MYT1L: variants seen among roughly 807,000 people sequenced by gnomAD.
The protein encoded by MYT1L is myelin transcription factor 1 like, also known as myelin transcription factor 1-like protein.
A neutral mutation model predicts 126.7 loss-of-function variants in MYT1L; 12 were observed. That is an observed-to-expected ratio of 0.09 (90% CI 0.06 to 0.15). MYT1L has a LOEUF of 0.15. Ranked by LOEUF, MYT1L falls within the 10% of genes least tolerant of loss-of-function variation. The pLI is 1.00. For synonymous variants in MYT1L, 541 were observed against 604.2 expected (o/e 0.90, Z 1.53); for missense variants, 979 against 1,585.2 (o/e 0.62, Z 6.49).
chr2:1,889,063 G>T lies in MYT1L; in HGVS notation c.2520+178C>A, dbSNP rs2048500901. ...AATACTTTGTTTCACTCTAATCAAT[G>T]TTAGTCGCAAATCTCTTCTGGGTCA... On this transcript the variant is annotated intron_variant, in intron 16 of 24. Coordinates refer to ENST00000647738, the MANE Select transcript of MYT1L (RefSeq NM_001303052.2). This position sits in a 1 kb window ranked among gnomAD's most constrained non-coding sequence, Gnocchi z 4.1. 6.6e-6 allele frequency among the ~76,000 whole-genome samples: 1 copy of T among 152,158 alleles called. No homozygotes were observed. Among genetic ancestry groups the T allele is most frequent in the Non-Finnish European group, 1.5e-5 (1 of 68,018 alleles).
At chr2:1,803,681 G>A (rs1160677009) in intron 22 of MYT1L, among the ~76,000 whole-genome samples, 1 of 152,190 alleles carries the variant, frequency 6.6e-6, no homozygotes, top group African/African-American at 2.4e-5. Flanking sequence ...AGGCCCAAGT[G>A]GTCACCAACA....
Position 1,917,172 on chromosome 2 carries a change from AC to A in MYT1L, c.1618+32del, listed in dbSNP as rs763834041. On this transcript the variant is annotated intron_variant, in intron 11 of 24. Transcript: ENST00000647738. The surrounding 1 kb of genome is among the most constrained non-coding windows in gnomAD (Gnocchi z 5.9). The stretch of plus-strand genomic sequence containing the variant: ...CAGAGACAGAGTCATGGGTGTTTGC[AC>A]CCCCAAGGGTAGCGGTGAGACGTGG... 1.8e-5 allele frequency: 28 copies of A among 1,596,908 alleles called. No homozygotes were observed. The Admixed American group carries it at 4.4e-4, about 25-fold the overall frequency.
chr2:2,293,710 C>A (rs1468932312), intron 1 of MYT1L, among the ~76,000 whole-genome samples: 1 of 152,196 alleles, frequency 6.6e-6, no homozygotes, highest in East Asian at 1.9e-4. Flanking sequence ...GAAGGACCTG[C>A]CCCTCGGCCT....
chr2:2,311,664 C>T (rs562584437), intron 1 of MYT1L, among the ~76,000 whole-genome samples: 3 of 152,256 alleles, frequency 2.0e-5, no homozygotes, highest in African/African-American at 7.2e-5. Context: ...TCTTCTCAAA[C>T]TATGGCTGGC....
intron 2 of MYT1L, among the ~76,000 whole-genome samples, chr2:2,197,081 G>T (rs76046346): frequency 0.024 from 3,682 of 152,184 alleles, 99 homozygotes; most frequent in East Asian, 0.073. Flanking sequence ...CCCATCATTG[G>T]CTATTATGAA....
At position 1,923,026 on chromosome 2, in the gene MYT1L, T is replaced by A. The variant is rs1430024873; in HGVS notation, c.743A>T (p.Glu248Val). ...DKNENLGRKS[E>V]LSLDLDSDVV... ...ATCACTGTCTAAGTCTAAACTCAAC[T>A]CACTTTTCCGACCCAGGTTTTCGTT... The change falls in exon 10 of 25, where the codon GAG becomes GTG. Residue 248 changes from glutamate (E) to valine (V), a missense_variant. Glu to Val is a moderately radical substitution (Grantham distance 121). Transcript: ENST00000647738. The A allele has an allele frequency of 6.2e-7, 1 of 1,613,908 alleles. No homozygotes were observed. The highest frequency in any genetic ancestry group is 1.3e-5 in the African/African-American group (1 of 74,934).
chr2:2,132,427 A>G (rs566245486), intron 3 of MYT1L, among the ~76,000 whole-genome samples: 2 of 152,348 alleles, frequency 1.3e-5, no homozygotes, highest in Non-Finnish European at 2.9e-5. Context: ...TGTCCTTTGC[A>G]GGGATATGGA....
rs141888525 is a variant in MYT1L, at chr2:2,267,425, C to T, written c.-421+16979G>A. ...ACCCACATGAAGGCGTCAAAGTGCACGCTTTAGTATGTTCTAGAAAGAAAA... is the reference window on the plus strand; with the variant it reads ...ACCCACATGAAGGCGTCAAAGTGCATGCTTTAGTATGTTCTAGAAAGAAAA... On this transcript the variant is annotated intron_variant, in intron 2 of 24. Transcript: ENST00000647738. Among the ~76,000 whole-genome samples, 1,381 of 152,154 alleles carry T rather than the reference C, an allele frequency of 9.1e-3. 14 individuals are homozygous for T. Among genetic ancestry groups the T allele is most frequent in the African/African-American group, 0.032 (1,312 of 41,514 alleles).
At chr2:2,264,710 T>G (rs1018763149) in intron 2 of MYT1L, among the ~76,000 whole-genome samples, 1 of 152,064 alleles carries the variant, frequency 6.6e-6, no homozygotes, top group Admixed American at 6.5e-5. Context: ...AAACTAAGAC[T>G]TGAACGTCAG....
chr2:2,118,400 A>C (rs2147852202), intron 3 of MYT1L, among the ~76,000 whole-genome samples: 1 of 152,342 alleles, frequency 6.6e-6, no homozygotes, highest in African/African-American at 2.4e-5. Context: ...ATTGGTGCAT[A>C]AACACTGATA....
chr2:1,922,764 G>A lies in MYT1L; in HGVS notation c.1005C>T (p.Phe335=), dbSNP rs752574419. 19 of 1,613,918 alleles carry A rather than the reference G, an allele frequency of 1.2e-5. 1 individual carries two copies. Among genetic ancestry groups the A allele is most frequent in the South Asian group, 5.5e-5 (5 of 91,074 alleles). The change falls in exon 10 of 25, where the codon TTC becomes TTT. Residue 335 remains phenylalanine (F), a synonymous_variant. Transcript: ENST00000647738. This position sits in a 1 kb window ranked among gnomAD's most constrained non-coding sequence, Gnocchi z 7.4. ...TCTCACTGAGCTTCCTGGCCAGGTC[G>A]AAGCACTGATTCCTCAAACACTCCA... ...SSLECLRNQC[F]DLARKLSETN...
In MYT1L at chr2:2,236,757, T is replaced by TTTCTTCTTCTTC. The variant is rs760901038; in HGVS notation, c.-421+47635_-421+47646dup. ...ACTGGTGAAGACTCATTGGTTGTCC[T>TTTCTTCTTCTTC]TTCTTCTTCTTCTTCTTCTTCTTCT... On this transcript the variant is annotated intron_variant, in intron 2 of 24. Coordinates refer to ENST00000647738, the MANE Select transcript of MYT1L (RefSeq NM_001303052.2). 3.3e-4 allele frequency among the ~76,000 whole-genome samples: 44 copies of TTTCTTCTTCTTC among 132,612 alleles called. 1 individual carries two copies. The highest frequency in any genetic ancestry group is 1.8e-3 in the Admixed American group (22 of 12,456). The allele number at this position is 132,612 out of a possible 152,430, so 87.0% of individuals were successfully genotyped here. A position where few individuals can be genotyped will look rare whatever the true frequency, so the allele number is the denominator to read the frequency against.
intron 19 of MYT1L, among the ~76,000 whole-genome samples, chr2:1,845,360 T>A (rs915926868): frequency 6.6e-6 from 1 of 152,156 alleles, no homozygotes; most frequent in African/African-American, 2.4e-5. Flanking sequence ...GGAAGCTGTT[T>A]TTCTCCTCTC....
chr2:2,229,679 A>G (rs1318758907), intron 2 of MYT1L, among the ~76,000 whole-genome samples: 1 of 151,858 alleles, frequency 6.6e-6, no homozygotes, highest in Non-Finnish European at 1.5e-5. Context: ...GCGTGCACCC[A>G]CTATAGGCAA....
rs1388864739 is a variant in MYT1L, at chr2:2,301,181, G to T, written c.-520-16678C>A. ...GCCTTGCACTTTTCTCTTCGCCCTT[G>T]TGCAGCTCAGTGTTTCACCCTCCCC... On this transcript the variant is annotated intron_variant, in intron 1 of 24. Coordinates refer to ENST00000647738, the MANE Select transcript of MYT1L (RefSeq NM_001303052.2). Among the ~76,000 whole-genome samples the T allele has an allele frequency of 2.0e-5, 3 of 152,114 alleles. No homozygotes were observed. The East Asian group carries it at 5.8e-4, about 29-fold the overall frequency.
chr2:2,322,602 A>G (rs1276563485), intron 1 of MYT1L, among the ~76,000 whole-genome samples: 2 of 152,070 alleles, frequency 1.3e-5, no homozygotes, highest in Admixed American at 6.5e-5. Context: ...CTAAAAAAAA[A>G]AAAACAAAAT....
At chr2:2,061,627 C>T (rs543827899) in intron 3 of MYT1L, among the ~76,000 whole-genome samples, 9 of 152,170 alleles carry the variant, frequency 5.9e-5, no homozygotes, top group African/African-American at 2.2e-4. Context: ...AGATGAAACG[C>T]GTAACTGCGC....
chr2:1,843,898 G>C (rs1302077857), intron 19 of MYT1L, among the ~76,000 whole-genome samples: 1 of 152,230 alleles, frequency 6.6e-6, no homozygotes, highest in East Asian at 1.9e-4. Flanking sequence ...ACAAGATTTG[G>C]CTCCGACAAT....
intron 9 of MYT1L, among the ~76,000 whole-genome samples, chr2:1,942,261 T>C (rs189230608): frequency 6.6e-6 from 1 of 152,330 alleles, no homozygotes; most frequent in Admixed American, 6.5e-5. Flanking sequence ...TGAAGTGGTA[T>C]TGTGCGTCGG....
Sources: allele counts gnomAD v4.1 joint callset (sites outside exome capture counted in the v4.1 genomes callset), GRCh38; gene constraint gnomAD v4.1.1; non-coding constraint Gnocchi (gnomAD v3.1); transcripts MANE v1.5; gene names NCBI Gene and HGNC (gene_info 2026-07-23, HGNC 2026-07-21).